Variants in PCDH15 observed in about 807,000 individuals in gnomAD.
The protein encoded by PCDH15 is protocadherin-15.
Under a neutral mutation model 178.5 loss-of-function variants are expected in PCDH15, and 129 were observed. The ratio of observed to expected loss-of-function variants is 0.72; its 90% confidence interval spans 0.63 to 0.84. The LOEUF (loss-of-function observed/expected upper bound fraction) is 0.84. Ranked by LOEUF, PCDH15 falls within the 40% of genes least tolerant of loss-of-function variation. The pLI is 0.00. For synonymous variants in PCDH15, 800 were observed against 732.0 expected (o/e 1.09, Z -1.50); for missense variants, 2,230 against 2,099.9 (o/e 1.06, Z -1.21).
intron 3 of PCDH15, among the ~76,000 whole-genome samples, chr10:54,396,669 C>A (rs558344857): frequency 6.6e-6 from 1 of 152,098 alleles, no homozygotes; most frequent in Non-Finnish European, 1.5e-5. Context: ...AGGAAAAGGG[C>A]CACTTTTTAA....
At chr10:54,328,290 T>C (rs1399648340) in intron 7 of PCDH15, among the ~76,000 whole-genome samples, 1 of 152,032 alleles carries the variant, frequency 6.6e-6, no homozygotes, top group East Asian at 1.9e-4. Flanking sequence ...ATTCAAGATT[T>C]CTCCATACTT....
chr10:54,021,938 A>T (rs2135305982), intron 19 of PCDH15, among the ~76,000 whole-genome samples: 1 of 152,140 alleles, frequency 6.6e-6, no homozygotes, highest in East Asian at 1.9e-4. Context: ...TTAACTAATT[A>T]ATTAATTGAC....
intron 1 of PCDH15, among the ~76,000 whole-genome samples, chr10:55,229,402 C>A (rs886968862): frequency 3.3e-5 from 5 of 151,326 alleles, no homozygotes; most frequent in Non-Finnish European, 7.4e-5. Context: ...GAAATGTGTA[C>A]TATTCAATAT....
intron 2 of PCDH15, among the ~76,000 whole-genome samples, chr10:55,325,086 A>G: frequency 6.6e-6 from 1 of 152,138 alleles, no homozygotes; most frequent in African/African-American, 2.4e-5. Context: ...ACAAAGAAAC[A>G]GAAAAACATT....
chr10:53,955,815 C>A (rs935288850), intron 23 of PCDH15, among the ~76,000 whole-genome samples: 5 of 151,998 alleles, frequency 3.3e-5, no homozygotes, highest in African/African-American at 1.2e-4. Context: ...AATGTGCATC[C>A]AGTTGAGGCA....
At chr10:55,182,523 GT>G (rs1839678743) in intron 1 of PCDH15, among the ~76,000 whole-genome samples, 1 of 151,914 alleles carries the variant, frequency 6.6e-6, no homozygotes, top group Non-Finnish European at 1.5e-5. Flanking sequence ...TTACCTATCA[GT>G]CCTTACTTTC....
intron 18 of PCDH15, among the ~76,000 whole-genome samples, chr10:54,026,773 A>G (rs1255534266): frequency 2.0e-5 from 3 of 152,196 alleles, no homozygotes; most frequent in Non-Finnish European, 2.9e-5. Context: ...TAAATTAGGT[A>G]TTGATGGGAC....
rs367850244 is a variant in PCDH15 at position 54,153,288 on chromosome 10, A to G, written c.1596T>C (p.Thr532=). 3 of 1,613,676 alleles carry G rather than the reference A, an allele frequency of 1.9e-6. No homozygotes were observed. Among genetic ancestry groups the G allele is most frequent in the African/African-American group, 2.7e-5 (2 of 74,892 alleles). ...MRPGDSVIQL[T]AVDADEGSNG... ...TTGACCCTTCGTCTGCGTCGACTGC[A>G]GTGAGCTGGAATTGAAAATCACAAC... The change falls in exon 14 of 38, where the codon ACT becomes ACC. Residue 532 remains threonine (T), a synonymous_variant. Coordinates refer to ENST00000644397, the MANE Select transcript of PCDH15 (RefSeq NM_001384140.1).
intron 8 of PCDH15, among the ~76,000 whole-genome samples, chr10:54,280,731 G>C (rs1177348984): frequency 6.6e-6 from 1 of 151,538 alleles, no homozygotes; most frequent in Non-Finnish European, 1.5e-5. Context: ...GACACTGTCG[G>C]CTTTTCGTAG....
At chr10:54,331,810 G>T (rs1005975116) in intron 6 of PCDH15, among the ~76,000 whole-genome samples, 5 of 152,038 alleles carry the variant, frequency 3.3e-5, no homozygotes, top group African/African-American at 1.2e-4. Flanking sequence ...TTGTGCCTCA[G>T]AGGAGGCTAT....
intron 11 of PCDH15, among the ~76,000 whole-genome samples, chr10:54,185,899 C>T (rs1361177816): frequency 6.6e-6 from 1 of 151,800 alleles, no homozygotes; most frequent in African/African-American, 2.4e-5. Context: ...ATAAATTTAG[C>T]AAATGTGTCT....
At chr10:54,865,747 A>G (rs1040607065) in intron 3 of PCDH15, among the ~76,000 whole-genome samples, 1 of 152,186 alleles carries the variant, frequency 6.6e-6, no homozygotes, top group Non-Finnish European at 1.5e-5. Flanking sequence ...TGGATAGCAT[A>G]TGAGAGAACA....
In PCDH15 at chr10:55,193,931, C is replaced by T. The variant is rs191244354; in HGVS notation, c.-155-27280G>A. Among the ~76,000 whole-genome samples the T allele has an allele frequency of 5.6e-4, 85 of 152,006 alleles. 1 individual carries two copies. Among genetic ancestry groups the T allele is most frequent in the African/African-American group, 1.9e-3 (80 of 41,434 alleles). On this transcript the variant is annotated intron_variant, in intron 1 of 5. Coordinates refer to the PCDH15 transcript ENST00000458638. ...AATGATAAAGCCATAATCCAATAAT[C>T]CTGATGCTAAAACATAATTTACTGA...
chr10:55,308,401 G>T (rs946517440), intron 1 of PCDH15, among the ~76,000 whole-genome samples: 2 of 152,144 alleles, frequency 1.3e-5, no homozygotes, highest in Non-Finnish European at 2.9e-5. Context: ...ATACCTTCTG[G>T]ATTGGAGACT....
chr10:54,412,878 C>G (rs776593575), intron 3 of PCDH15, among the ~76,000 whole-genome samples: 3 of 152,116 alleles, frequency 2.0e-5, no homozygotes, highest in African/African-American at 7.2e-5. Flanking sequence ...TGAGCCACCA[C>G]GCCTGGCCAT....
At position 53,806,062 on chromosome 10, in the gene PCDH15, G is replaced by C. The variant is rs1036578763; in HGVS notation, c.*517C>G. ...GATTTAAAATAATTAATTATTTACA[G>C]GTGATTCCCTCATTTACTTTACTTT... On this transcript the variant is annotated 3_prime_UTR_variant, in exon 38 of 38. Transcript: ENST00000644397. The C allele has an allele frequency of 6.7e-5, 10 of 149,604 alleles. No homozygotes were observed. The highest frequency in any genetic ancestry group is 2.0e-4 in the African/African-American group (8 of 39,824). The allele number at this position is 149,604 out of a possible 1,614,324, so 9.3% of individuals were successfully genotyped here. A position where few individuals can be genotyped will look rare whatever the true frequency, so the allele number is the denominator to read the frequency against.
intron 25 of PCDH15, among the ~76,000 whole-genome samples, chr10:53,929,730 T>C (rs1046889512): frequency 3.3e-5 from 5 of 152,208 alleles, no homozygotes; most frequent in Non-Finnish European, 5.9e-5. Context: ...AGCATTTGAG[T>C]TGTTTTACCC....
At chr10:55,200,466 A>T (rs567847821) in intron 1 of PCDH15, among the ~76,000 whole-genome samples, 1 of 152,122 alleles carries the variant, frequency 6.6e-6, no homozygotes, top group Non-Finnish European at 1.5e-5. Flanking sequence ...TTTATTTTAC[A>T]GGCTCATAGG....
intron 2 of PCDH15, among the ~76,000 whole-genome samples, chr10:55,046,972 T>G (rs1011284208): frequency 9.9e-5 from 15 of 151,900 alleles, no homozygotes; most frequent in African/African-American, 3.6e-4. Flanking sequence ...TCATCTATAT[T>G]CAATGTTGTT....
Sources: gnomAD v4.1 joint callset for allele counts (sites outside exome capture counted in the v4.1 genomes callset) on GRCh38, gnomAD v4.1.1 for gene constraint, MANE v1.5 for transcripts, NCBI Gene and HGNC (gene_info 2026-07-23, HGNC 2026-07-21) for gene names.